SH3BP5: variants seen among roughly 807,000 people sequenced by gnomAD.
SH3BP5 encodes SH3 domain binding protein 5, also known as SH3 domain-binding protein 5.
SH3BP5 carries 22 observed loss-of-function variants against 43.3 expected under a neutral mutation model. The observed-to-expected ratio is 0.51, with a 90% CI of 0.36 to 0.73. The LOEUF is 0.73. SH3BP5 is among the 30% of genes least tolerant of loss of function. The probability of loss-of-function intolerance (pLI) is 0.00; values close to 1 mark genes in which losing one functional copy is unlikely to be tolerated. For synonymous variants in SH3BP5, 255 were observed against 225.8 expected (o/e 1.13, Z -1.16); for missense variants, 529 against 586.9 (o/e 0.90, Z 1.02).
intron 2 of SH3BP5, among the ~76,000 whole-genome samples, chr3:15,309,240 G>A (rs967881718): frequency 6.6e-6 from 1 of 152,138 alleles, no homozygotes; most frequent in Non-Finnish European, 1.5e-5. Flanking sequence ...CTGGCTAGGG[G>A]AGAAAAAAAC....
intron 3 of SH3BP5, among the ~76,000 whole-genome samples, chr3:15,300,041 T>G (rs891613852): frequency 7.2e-5 from 11 of 152,164 alleles, no homozygotes; most frequent in African/African-American, 2.7e-4. Context: ...TAGTTGTTAT[T>G]TCCTACAAAT....
At chr3:15,258,712 G>T in intron 7 of SH3BP5, 119 bp downstream of exon 7, 1 of 765,792 alleles carries the variant, frequency 1.3e-6, no homozygotes. Context: ...ACCAGAAATA[G>T]CCCTCAGGCC....
intron 6 of SH3BP5, 86 bp from the exon 7 acceptor site, chr3:15,259,136 G>T: frequency 9.3e-7 from 1 of 1,080,874 alleles, no homozygotes; most frequent in Non-Finnish European, 1.4e-6. Flanking sequence ...TACATTTTCT[G>T]CCCATCATTC....
intron 3 of SH3BP5, among the ~76,000 whole-genome samples, chr3:15,297,978 T>C (rs538918479): frequency 1.4e-4 from 21 of 151,226 alleles, no homozygotes; most frequent in African/African-American, 3.6e-4. Flanking sequence ...TTTTTCTTTT[T>C]TTTTTTTTTT....
At chr3:15,309,906 A>ACCCC (rs67572916) in intron 2 of SH3BP5, among the ~76,000 whole-genome samples, 12 of 125,938 alleles carry the variant, frequency 9.5e-5, no homozygotes, top group East Asian at 2.3e-4. Flanking sequence ...TCCCCGCTCC[A>ACCCC]CCCCCCCCCC....
intron 3 of SH3BP5, among the ~76,000 whole-genome samples, chr3:15,291,418 T>C (rs931381024): frequency 1.3e-5 from 2 of 152,176 alleles, no homozygotes; most frequent in African/African-American, 4.8e-5. Context: ...AATAAAAATA[T>C]AGGCCTTCCA....
At chr3:15,329,552 C>G (rs1182110452) in intron 2 of SH3BP5, among the ~76,000 whole-genome samples, 1 of 152,202 alleles carries the variant, frequency 6.6e-6, no homozygotes, top group South Asian at 2.1e-4. Context: ...TTTGGTAACT[C>G]CAGGGCCTAC....
intron 2 of SH3BP5, among the ~76,000 whole-genome samples, chr3:15,327,176 G>C (rs1326769138): frequency 6.6e-6 from 1 of 151,744 alleles, no homozygotes; most frequent in Admixed American, 6.6e-5. Context: ...CACGAGATCC[G>C]GAGTTCAAGA....
At chr3:15,315,138 T>C (rs978477979) in intron 2 of SH3BP5, among the ~76,000 whole-genome samples, 2 of 152,064 alleles carry the variant, frequency 1.3e-5, no homozygotes, top group Non-Finnish European at 2.9e-5. Flanking sequence ...CAGGACACTT[T>C]TGAGAATAAG....
chr3:15,297,968 T>G (rs952670705), intron 3 of SH3BP5, among the ~76,000 whole-genome samples: 8 of 148,104 alleles, frequency 5.4e-5, no homozygotes, highest in Non-Finnish European at 1.0e-4. Flanking sequence ...ACAACTTTTC[T>G]TTTTCTTTTT....
At chr3:15,268,297 C>G (rs1349055144) in intron 4 of SH3BP5, among the ~76,000 whole-genome samples, 2 of 152,242 alleles carry the variant, frequency 1.3e-5, no homozygotes, top group Non-Finnish European at 2.9e-5. Flanking sequence ...ACTTGAGCCA[C>G]TGTGGCAGGT....
intron 8 of SH3BP5, 120 bp downstream of exon 8, chr3:15,256,731 CCA>C: frequency 1.7e-6 from 2 of 1,179,152 alleles, no homozygotes; most frequent in South Asian, 1.6e-5. Flanking sequence ...GACAGCACAA[CCA>C]CAGAGACCTG....
intron 4 of SH3BP5, among the ~76,000 whole-genome samples, chr3:15,265,389 G>A (rs1696596385): frequency 6.6e-6 from 1 of 151,994 alleles, no homozygotes. Flanking sequence ...GGTGGTTGGT[G>A]CCTGTAGTCC....
chr3:15,324,527 C>G (rs370578135), intron 2 of SH3BP5, among the ~76,000 whole-genome samples: 1 of 152,154 alleles, frequency 6.6e-6, no homozygotes, highest in Admixed American at 6.5e-5. Context: ...CAGCTTAGAC[C>G]GGGCAGCCTG....
At chr3:15,323,127 C>CAAAT (rs141252585) in intron 2 of SH3BP5, among the ~76,000 whole-genome samples, 6,787 of 146,130 alleles carry the variant, frequency 0.046, 223 homozygotes, top group South Asian at 0.11. Context: ...GACCCTGTCT[C>CAAAT]AAATAAATAA....
At chr3:15,290,346 G>A (rs1217730728) in intron 3 of SH3BP5, among the ~76,000 whole-genome samples, 1 of 151,800 alleles carries the variant, frequency 6.6e-6, no homozygotes, top group Non-Finnish European at 1.5e-5. Flanking sequence ...GGCTAACAGT[G>A]AAATCCCATC....
chr3:15,337,069 GT>G (rs1323591735), upstream of SH3BP5, among the ~76,000 whole-genome samples: 2 of 140,956 alleles, frequency 1.4e-5, no homozygotes, highest in South Asian at 2.3e-4. Context: ...AAGAGTTGGG[GT>G]TTTTTTTAGT....
intron 3 of SH3BP5, among the ~76,000 whole-genome samples, chr3:15,299,483 ATTTT>A (rs60281447): frequency 1.4e-4 from 13 of 92,274 alleles, no homozygotes; most frequent in Non-Finnish European, 2.6e-4. Context: ...CAACAATTAG[ATTTT>A]TTTTTTTTTT....
chr3:15,323,162 A>G (rs1698377513), intron 2 of SH3BP5, among the ~76,000 whole-genome samples: 1 of 151,960 alleles, frequency 6.6e-6, no homozygotes, highest in Admixed American at 6.6e-5. Flanking sequence ...AAATAAATAA[A>G]TAAAGCAGGG....
Sources: gnomAD v4.1 joint callset for allele counts (sites outside exome capture counted in the v4.1 genomes callset) on GRCh38, gnomAD v4.1.1 for gene constraint, MANE v1.5 for transcripts, NCBI Gene and HGNC (gene_info 2026-07-23, HGNC 2026-07-21) for gene names.